RANBP2: variants seen among roughly 807,000 people sequenced by gnomAD.
RANBP2 encodes RAN binding protein 2, also known as E3 SUMO-protein ligase RanBP2.
In RANBP2, 57 loss-of-function variants were observed where a neutral mutation model predicts 303.6. The observed-to-expected ratio is 0.19, with a 90% CI of 0.15 to 0.23. The LOEUF (loss-of-function observed/expected upper bound fraction) is 0.23. Among genes scored for constraint, RANBP2 ranks in the 10% least tolerant of loss-of-function variants. The probability of loss-of-function intolerance (pLI) is 1.00; values close to 1 mark genes in which losing one functional copy is unlikely to be tolerated. For synonymous variants in RANBP2, 1,167 were observed against 1,301.5 expected (o/e 0.90, Z 2.23); for missense variants, 3,138 against 3,780.8 (o/e 0.83, Z 4.46).
At chr2:109,239,230 C>T in the RANBP2 span, among the ~76,000 whole-genome samples, 8 of 151,982 alleles carry the variant, frequency 5.3e-5, no homozygotes, top group African/African-American at 1.7e-4. Context: ...TCCGTAAATA[C>T]GGATGGCAAA....
chr2:109,409,127 A>G, the RANBP2 span, among the ~76,000 whole-genome samples: 4 of 152,214 alleles, frequency 2.6e-5, no homozygotes, highest in Non-Finnish European at 5.9e-5. Flanking sequence ...CTCCTCCCAT[A>G]TTCCACTGTT....
At chr2:109,432,628 G>C in the RANBP2 span, 8 of 1,613,094 alleles carry the variant, frequency 5.0e-6, no homozygotes, top group Admixed American at 1.3e-4. Context: ...GAGGACCGGG[G>C]TCTCTGGGGT....
intron 1 of RANBP2, among the ~76,000 whole-genome samples, chr2:108,720,725 C>T (rs1460420996): frequency 8.5e-5 from 13 of 152,186 alleles, no homozygotes; most frequent in Non-Finnish European, 1.5e-4. Context: ...TAAATGTTAG[C>T]TACAAGTCAC....
the RANBP2 span, among the ~76,000 whole-genome samples, chr2:109,603,336 G>A: frequency 6.6e-5 from 10 of 151,758 alleles, no homozygotes; most frequent in South Asian, 2.1e-4. Flanking sequence ...CTGGGTTCAC[G>A]CCATTCTCCT....
chr2:109,115,191 C>G, the RANBP2 span, among the ~76,000 whole-genome samples: 3 of 152,108 alleles, frequency 2.0e-5, no homozygotes, highest in African/African-American at 7.2e-5. Context: ...TCCTTGTTAA[C>G]TTTCTGTCTC....
At chr2:109,677,758 T>A in the RANBP2 span, among the ~76,000 whole-genome samples, 2 of 152,212 alleles carry the variant, frequency 1.3e-5, no homozygotes, top group African/African-American at 4.8e-5. Context: ...TATCCAGATC[T>A]TTCCTAAATA....
chr2:109,524,234 G>A, the RANBP2 span, among the ~76,000 whole-genome samples: 14 of 150,036 alleles, frequency 9.3e-5, no homozygotes, highest in Admixed American at 9.8e-4. Context: ...CTAGCTGGTA[G>A]GGAGGACCTG....
At chr2:109,133,967 G>A in the RANBP2 span, among the ~76,000 whole-genome samples, 1 of 152,158 alleles carries the variant, frequency 6.6e-6, no homozygotes, top group East Asian at 1.9e-4. Context: ...GGTTAGTCCA[G>A]CTGGTCAGCT....
chr2:108,918,054 G>A, the RANBP2 span, among the ~76,000 whole-genome samples: 1 of 152,118 alleles, frequency 6.6e-6, no homozygotes, highest in Non-Finnish European at 1.5e-5. Flanking sequence ...TTGAATGCAC[G>A]TGATGTCTAA....
the RANBP2 span, among the ~76,000 whole-genome samples, chr2:109,139,288 A>G: frequency 6.6e-6 from 1 of 152,232 alleles, no homozygotes; most frequent in East Asian, 1.9e-4. Context: ...TGTCGCCTTA[A>G]CAAAGATAGC....
chr2:109,014,904 G>A, the RANBP2 span, among the ~76,000 whole-genome samples: 1 of 151,942 alleles, frequency 6.6e-6, no homozygotes, highest in Admixed American at 6.6e-5. Flanking sequence ...GGCGGATCAC[G>A]AGGTCAGGAG....
At chr2:109,263,522 A>G in the RANBP2 span, among the ~76,000 whole-genome samples, 1 of 152,216 alleles carries the variant, frequency 6.6e-6, no homozygotes, top group Non-Finnish European at 1.5e-5. Context: ...GCATACATAG[A>G]AAGATTGATT....
rs984548924 is a variant in RANBP2, at chr2:108,780,925, T to A, written c.8600-344T>A. On this transcript the variant is annotated intron_variant, in intron 25 of 28. Transcript: ENST00000283195. ...GGTTTCTCCATGTTGGTCAGGCTGG[T>A]CTTGAACTCCTGACCTCAGGAGATG... 2.0e-5 allele frequency among the ~76,000 whole-genome samples: 3 copies of A among 152,236 alleles called. No homozygotes were observed. The South Asian group carries it at 6.2e-4, about 32-fold the overall frequency.
At chr2:109,434,223 C>T in the RANBP2 span, among the ~76,000 whole-genome samples, 2 of 152,230 alleles carry the variant, frequency 1.3e-5, no homozygotes, top group Non-Finnish European at 2.9e-5. Context: ...GGTGTCCACA[C>T]CTCTGGGCTC....
the RANBP2 span, among the ~76,000 whole-genome samples, chr2:109,314,480 G>A: frequency 6.6e-6 from 1 of 152,124 alleles, no homozygotes; most frequent in African/African-American, 2.4e-5. Context: ...AGCCTGAAAC[G>A]GCATGACCTT....
the RANBP2 span, among the ~76,000 whole-genome samples, chr2:108,904,912 G>GTATAGT: frequency 1.2e-4 from 19 of 152,278 alleles, no homozygotes; most frequent in Middle Eastern, 3.4e-3. Context: ...CAGTGTCCTG[G>GTATAGT]TTGTGACTTC....
chr2:108,930,003 C>T, the RANBP2 span: 1 of 1,295,780 alleles, frequency 7.7e-7, no homozygotes, highest in Non-Finnish European at 1.1e-6. Flanking sequence ...GCGTGACCGG[C>T]TGGTTTGATA....
At chr2:108,917,516 G>T in the RANBP2 span, among the ~76,000 whole-genome samples, 1 of 152,126 alleles carries the variant, frequency 6.6e-6, no homozygotes, top group Non-Finnish European at 1.5e-5. Flanking sequence ...ATTTCACTCT[G>T]TACCCCATAA....
the RANBP2 span, among the ~76,000 whole-genome samples, chr2:108,870,585 AAG>A: frequency 6.6e-6 from 1 of 152,240 alleles, no homozygotes; most frequent in Non-Finnish European, 1.5e-5. Flanking sequence ...GTAAAAGACA[AAG>A]AGTATCTGCA....
Sources: gnomAD v4.1 joint callset for allele counts (sites outside exome capture counted in the v4.1 genomes callset) on GRCh38, gnomAD v4.1.1 for gene constraint, MANE v1.5 for transcripts, NCBI Gene and HGNC (gene_info 2026-07-23, HGNC 2026-07-21) for gene names.